EML3: variants seen among roughly 807,000 people sequenced by gnomAD.
EML3 encodes the protein echinoderm microtubule-associated protein-like 3.
In EML3, 53 loss-of-function variants were observed where a neutral mutation model predicts 106.7. That is an observed-to-expected ratio of 0.50 (90% CI 0.40 to 0.62). EML3 has a LOEUF of 0.62. Ranked by LOEUF, EML3 falls within the 20% of genes least tolerant of loss-of-function variation. The pLI, the probability that EML3 is intolerant of heterozygous loss-of-function variation, is 0.00. For missense variants in EML3, 994 were observed against 1,209.1 expected (o/e 0.82, Z 2.64); for synonymous variants, 499 against 489.6 (o/e 1.02, Z -0.25).
intron 4 of EML3, 65 bp from the exon 5 acceptor site, chr11:62,609,761 G>A: frequency 2.1e-6 from 3 of 1,431,660 alleles, no homozygotes; most frequent in Non-Finnish European, 9.4e-7. Flanking sequence ...GGGAGGGGCA[G>A]GACACAAGAA....
chr11:62,606,045 C>T lies in EML3; in HGVS notation c.1656+18G>A, dbSNP rs776245964. The T allele has an allele frequency of 5.0e-6, 8 of 1,613,736 alleles. No homozygotes were observed. In the Admixed American group the frequency reaches 1.3e-4, roughly 27 times the overall value. On this transcript the variant is annotated intron_variant, in intron 13 of 21. Coordinates refer to ENST00000394773, the MANE Select transcript of EML3 (RefSeq NM_153265.3). The stretch of plus-strand genomic sequence containing the variant: ...TTGCTCTTCTCCCTCACTCCCTTGA[C>T]CCCAGCCCAGCCCTCACCTCAGCCT...
At position 62,604,221 on chromosome 11, in the gene EML3, A is replaced by T; in HGVS notation, c.1983-20T>A. 1.2e-6 allele frequency: 2 copies of T among 1,612,910 alleles called. No homozygotes were observed. Among genetic ancestry groups the T allele is most frequent in the Non-Finnish European group, 1.7e-6 (2 of 1,179,320 alleles). On this transcript the variant is annotated intron_variant, in intron 16 of 21. Coordinates refer to ENST00000394773, the MANE Select transcript of EML3 (RefSeq NM_153265.3). ...AACCACCTGGAAGGGAGGGAAGTGG[A>T]GGCAGATAGGAAGACGAAAAGGCAG...
chr11:62,607,500 G>A (rs1248157495), intron 11 of EML3, 166 bp downstream of exon 11: 6 of 742,468 alleles, frequency 8.1e-6, no homozygotes, highest in Non-Finnish European at 1.0e-5. Flanking sequence ...TCTTGCCATT[G>A]CACTCTGGCC....
chr11:62,612,489 C>G lies in EML3; in HGVS notation c.-32G>C, dbSNP rs951807450. ...CCCGGGTTGCTCCGAGCGGCGGCGGCGGAGGAGGCGTCTAAGCCGCGGGGG... is the reference window on the plus strand; with the variant it reads ...CCCGGGTTGCTCCGAGCGGCGGCGGGGGAGGAGGCGTCTAAGCCGCGGGGG... On this transcript the variant is annotated 5_prime_UTR_variant, in exon 1 of 22. Coordinates refer to ENST00000394773, the MANE Select transcript of EML3 (RefSeq NM_153265.3). The G allele has an allele frequency of 2.9e-6, 4 of 1,397,242 alleles. No individual in the cohort carries two copies. In the Admixed American group the frequency reaches 1.0e-4, roughly 35 times the overall value. The allele number at this position is 1,397,242 out of a possible 1,614,324, so 86.6% of individuals were successfully genotyped here.
Position 62,608,623 on chromosome 11 carries a change from G to T in EML3, c.1029C>A (p.Asp343Glu). ...KPLQPVVHIW[D>E]SETLLKLQEI... Reference sequence around the variant, plus strand: ...CCTGCAGTTTCAACAGCGTCTCTGAGTCCCAGATGTGAACCACAGGCTGCA... The same window carrying T: ...CCTGCAGTTTCAACAGCGTCTCTGATTCCCAGATGTGAACCACAGGCTGCA... The change falls in exon 9 of 22, where the codon GAC (aspartate) becomes GAA (glutamate). Residue 343 changes from aspartate (D) to glutamate (E), a missense_variant. Transcript: ENST00000394773. 1.2e-6 allele frequency: 2 copies of T among 1,614,222 alleles called. No homozygotes were observed. Among genetic ancestry groups the T allele is most frequent in the Non-Finnish European group, 1.7e-6 (2 of 1,180,044 alleles).
At chr11:62,603,018 C>CCAGGGCCG in intron 20 of EML3, 129 bp from the exon 21 acceptor site, 1 of 1,487,244 alleles carries the variant, frequency 6.7e-7, no homozygotes, top group Non-Finnish European at 9.0e-7. Flanking sequence ...TTCCCGGTCC[C>CCAGGGCCG]GAGGGGCCTC....
At chr11:62,604,335 G>C (rs555976144) in intron 16 of EML3, 134 bp from the exon 17 acceptor site, 2 of 680,094 alleles carry the variant, frequency 2.9e-6, no homozygotes, top group Admixed American at 4.7e-5. Flanking sequence ...GAAAGGCTCT[G>C]ATGTAGAAGA....
intron 11 of EML3, 107 bp downstream of exon 11, chr11:62,607,559 C>A: frequency 7.7e-7 from 1 of 1,304,260 alleles, no homozygotes; most frequent in Non-Finnish European, 1.0e-6. Flanking sequence ...AAAAAAAGGT[C>A]ACAGGGGCAG....
chr11:62,605,804 CCT>C lies in EML3; in HGVS notation c.1783-33_1783-32del, dbSNP rs768811229. The stretch of plus-strand genomic sequence containing the variant: ...GCACAGCATGACTGTCACTCCTGCC[CCT>C]CTCTCACACCCCTTTGTCCCTTCCT... On this transcript the variant is annotated intron_variant, in intron 14 of 21. Transcript: ENST00000394773. This position sits in a 1 kb window ranked among gnomAD's most constrained non-coding sequence, Gnocchi z 5.2. 2 of 1,607,040 alleles carry C rather than the reference CCT, an allele frequency of 1.2e-6. No homozygotes were observed. Among genetic ancestry groups the C allele is most frequent in the Non-Finnish European group, 1.7e-6 (2 of 1,175,926 alleles).
intron 1 of EML3, 179 bp from the exon 2 acceptor site, chr11:62,611,775 T>C (rs1361649816): frequency 5.7e-6 from 4 of 697,918 alleles, no homozygotes; most frequent in Non-Finnish European, 9.1e-6. Flanking sequence ...GGCCTCCTTC[T>C]GGCAGGGCAG....
At chr11:62,607,343 AC>A (rs1053411613) in intron 11 of EML3, 2 of 460,214 alleles carry the variant, frequency 4.3e-6, no homozygotes, top group East Asian at 3.6e-5. Flanking sequence ...CAAAAAAAAA[AC>A]GGGCATGATG....
In EML3 at chr11:62,607,823, T is replaced by G. The variant is rs774888823; in HGVS notation, c.1207-2A>C. The G allele has an allele frequency of 6.2e-6, 10 of 1,612,472 alleles. No homozygotes were observed. Among genetic ancestry groups the G allele is most frequent in the Non-Finnish European group, 8.5e-6 (10 of 1,178,894 alleles). ...GGCCAGGACTGAGTCATTTGTACTCTGAAGGGAAGACACTAGATTCAGCCA... is the reference window on the plus strand; with the variant it reads ...GGCCAGGACTGAGTCATTTGTACTCGGAAGGGAAGACACTAGATTCAGCCA... On this transcript the variant is annotated splice_acceptor_variant, in intron 10 of 21. Transcript: ENST00000394773. LOFTEE classifies it high-confidence loss of function.
In EML3 at chr11:62,606,159, C is replaced by A; in HGVS notation, c.1560G>T (p.Leu520Phe). 6.2e-7 allele frequency: 1 copy of A among 1,614,108 alleles called. No individual in the cohort carries two copies. Among genetic ancestry groups the A allele is most frequent in the Non-Finnish European group, 8.5e-7 (1 of 1,180,036 alleles). Residue 520 changes from leucine to phenylalanine, a missense_variant, in exon 13 of 22, where the codon TTG becomes TTT. Coordinates refer to ENST00000394773, the MANE Select transcript of EML3 (RefSeq NM_153265.3). ...AHAHEGSIFA[L>F]CLRRDGTVLS... ...GCACTGTCCCGTCCCTCCGGAGACA[C>A]AAGGCGAAGATAGAACCTTCATGAG... is the stretch of plus-strand genomic sequence containing the variant.
At chr11:62,607,856 C>A in intron 10 of EML3, 35 bp from the exon 11 acceptor site, 2 of 1,597,926 alleles carry the variant, frequency 1.3e-6, no homozygotes, top group Non-Finnish European at 1.7e-6. Flanking sequence ...CCACCCCAAG[C>A]CCTGGGTACC....
Position 62,606,221 on chromosome 11 carries a change from G to C in EML3, c.1505-7C>G, listed in dbSNP as rs1350215861. Reference sequence around the variant, plus strand: ...GCCACAATCCCATAGGTCTCTGTTGGCAAAGCCCCAGGTAGATCATGTTTT... The same window carrying C: ...GCCACAATCCCATAGGTCTCTGTTGCCAAAGCCCCAGGTAGATCATGTTTT... On this transcript the variant is annotated splice_region_variant and splice_polypyrimidine_tract_variant and intron_variant, in intron 12 of 21. Transcript: ENST00000394773. 1 of 1,613,216 alleles carries C rather than the reference G, an allele frequency of 6.2e-7. No homozygotes were observed.
In EML3 at chr11:62,607,771, G is replaced by C; in HGVS notation, c.1257C>G (p.Ser419Arg). 6.2e-7 allele frequency: 1 copy of C among 1,613,990 alleles called. No homozygotes were observed. ...LAVGFNPRDS[S>R]CIVTSGKSHV... ...GAGATTTCCCACTGGTGACGATGCA[G>C]CTGCTGTCACGAGGGTTGAAGCCAA... The change falls in exon 11 of 22, where the codon AGC (serine) becomes AGG (arginine). Residue 419 changes from serine to arginine, a missense_variant. Ser to Arg is a moderately radical substitution (Grantham distance 110). Coordinates refer to ENST00000394773, the MANE Select transcript of EML3 (RefSeq NM_153265.3).
In EML3 at chr11:62,606,087, C is replaced by G; in HGVS notation, c.1632G>C (p.Gly544=). The G allele has an allele frequency of 6.2e-7, 1 of 1,614,008 alleles. No homozygotes were observed. The highest frequency in any genetic ancestry group is 8.5e-7 in the Non-Finnish European group (1 of 1,180,016). ...CCTCAGCCTCCTGGAGGGCCACCAA[C>G]CCGGGCCCCCACTGTACCAGCCGGC... ...RDRRLVQWGP[G]LVALQEAEIP... Residue 544 remains glycine (G), a synonymous_variant, in exon 13 of 22, where the codon GGG becomes GGC. Coordinates refer to ENST00000394773, the MANE Select transcript of EML3 (RefSeq NM_153265.3).
intron 16 of EML3, 142 bp downstream of exon 16, chr11:62,604,971 G>T: frequency 3.0e-6 from 2 of 672,614 alleles, no homozygotes; most frequent in Non-Finnish European, 2.3e-6. Context: ...GGGTGGCAGG[G>T]GCTGCAGGGA....
rs747843529 is a variant in EML3, at chr11:62,604,094, G to T, written c.2071+19C>A. ...AGGGCCAGGGACGCATGTGAGTCCA[G>T]GGTTGGGGTGGCTCCCACCTGGGCT... On this transcript the variant is annotated intron_variant, in intron 17 of 21. Transcript: ENST00000394773. 4 of 1,613,984 alleles carry T rather than the reference G, an allele frequency of 2.5e-6. No individual in the cohort carries two copies. The highest frequency in any genetic ancestry group is 1.6e-4 in the Middle Eastern group (1 of 6,084).
Sources: gnomAD v4.1 joint callset for allele counts on GRCh38, gnomAD v4.1.1 for gene constraint, Gnocchi (gnomAD v3.1) non-coding constraint, MANE v1.5 for transcripts, NCBI Gene and HGNC (gene_info 2026-07-23, HGNC 2026-07-21) for gene names.